PDE4D: variants seen among roughly 807,000 people sequenced by gnomAD.
The protein encoded by PDE4D is 3',5'-cyclic-AMP phosphodiesterase 4D.
In PDE4D, 24 loss-of-function variants were observed where a neutral mutation model predicts 87.4. The ratio of observed to expected loss-of-function variants is 0.27; its 90% confidence interval spans 0.20 to 0.39. The LOEUF is 0.39. PDE4D is among the 10% of genes least tolerant of loss of function. The probability of loss-of-function intolerance (pLI) is 1.00; values close to 1 mark genes in which losing one functional copy is unlikely to be tolerated. For synonymous variants in PDE4D, 384 were observed against 383.2 expected, an observed-to-expected ratio of 1.00 and a Z score of -0.02; for missense variants, 714 against 1,041.0, an observed-to-expected ratio of 0.69 and a Z score of 4.32.
intron 5 of PDE4D, among the ~76,000 whole-genome samples, chr5:59,075,691 T>A (rs1226397205): frequency 6.6e-6 from 1 of 152,166 alleles, no homozygotes; most frequent in Non-Finnish European, 1.5e-5. Flanking sequence ...TATTATTACT[T>A]CTTATAAATA....
chr5:59,451,268 G>C (rs557454183), intron 1 of PDE4D, among the ~76,000 whole-genome samples: 2 of 152,124 alleles, frequency 1.3e-5, no homozygotes, highest in Non-Finnish European at 2.9e-5. Context: ...TTTCATTTCA[G>C]CTTTGTCTTC....
At chr5:59,038,010 A>G (rs556832387) in intron 6 of PDE4D, among the ~76,000 whole-genome samples, 1 of 152,372 alleles carries the variant, frequency 6.6e-6, no homozygotes, top group East Asian at 1.9e-4. Context: ...TCCTTCAGCC[A>G]TCTGCATACG....
intron 3 of PDE4D, among the ~76,000 whole-genome samples, chr5:59,955,350 T>C (rs988159446): frequency 2.6e-5 from 4 of 152,212 alleles, no homozygotes; most frequent in Non-Finnish European, 5.9e-5. Flanking sequence ...CCTCAGGCAA[T>C]ATCTGCTTGG....
intron 1 of PDE4D, among the ~76,000 whole-genome samples, chr5:59,535,084 G>T (rs1027042564): frequency 1.4e-5 from 2 of 147,038 alleles, no homozygotes; most frequent in African/African-American, 5.0e-5. Flanking sequence ...TGTGGGGGGG[G>T]GGTCCTCTAT....
intron 1 of PDE4D, among the ~76,000 whole-genome samples, chr5:59,758,277 T>C (rs1374897388): frequency 2.0e-5 from 3 of 152,180 alleles, no homozygotes; most frequent in Non-Finnish European, 4.4e-5. Flanking sequence ...ACCTTGGTTG[T>C]TTTAAGGGGT....
chr5:59,569,640 T>C (rs1331124284), intron 1 of PDE4D, among the ~76,000 whole-genome samples: 2 of 152,208 alleles, frequency 1.3e-5, no homozygotes, highest in African/African-American at 4.8e-5. Flanking sequence ...GGGCTTAATC[T>C]CTTTTACTGC....
intron 1 of PDE4D, among the ~76,000 whole-genome samples, chr5:59,754,242 ATTGCTTGAACCCAGGAGGCAGAGG>A (rs796447974): frequency 3.3e-5 from 5 of 152,310 alleles, no homozygotes; most frequent in African/African-American, 1.2e-4. Flanking sequence ...AGGCAGGAGA[ATTGCTTGAACCCAGGAGGCAGAGG>A]TTGCAGTGAG....
intron 1 of PDE4D, among the ~76,000 whole-genome samples, chr5:59,764,025 G>A (rs1046798005): frequency 3.3e-5 from 5 of 152,128 alleles, no homozygotes; most frequent in African/African-American, 1.2e-4. Context: ...TTTGAAAGAT[G>A]TATTTTTGCA....
intron 2 of PDE4D, among the ~76,000 whole-genome samples, chr5:60,019,924 G>A (rs1765878591): frequency 6.6e-6 from 1 of 151,824 alleles, no homozygotes; most frequent in African/African-American, 2.4e-5. Flanking sequence ...AACTTGGATA[G>A]CTGCTTGGCA....
chr5:59,157,165 T>C (rs753541527), intron 5 of PDE4D: 32 of 583,968 alleles, frequency 5.5e-5, no homozygotes, highest in Non-Finnish European at 8.8e-5. Context: ...TTCACAATTT[T>C]TTTTTCTTTC....
intron 1 of PDE4D, among the ~76,000 whole-genome samples, chr5:59,882,911 G>A (rs1183109425): frequency 1.3e-5 from 2 of 152,090 alleles, no homozygotes; most frequent in Non-Finnish European, 2.9e-5. Flanking sequence ...TTGAGTAGCT[G>A]GGATTACAGG....
intron 11 of PDE4D, among the ~76,000 whole-genome samples, chr5:58,982,188 A>T (rs374420910): frequency 2.6e-5 from 4 of 152,120 alleles, no homozygotes; most frequent in Non-Finnish European, 4.4e-5. Flanking sequence ...TTTCTATCCA[A>T]TGATTCCTGG....
At chr5:59,518,193 TTG>T (rs34669732) in intron 1 of PDE4D, among the ~76,000 whole-genome samples, 15,702 of 149,330 alleles carry the variant, frequency 0.11, 2,111 homozygotes, top group African/African-American at 0.31. Flanking sequence ...ACTTGTGTGT[TTG>T]TGTGTGTGTG....
chr5:60,389,154 TAACAATAGAAAGTCC>T (rs964123390), intron 1 of PDE4D, among the ~76,000 whole-genome samples: 4 of 152,154 alleles, frequency 2.6e-5, no homozygotes, highest in Admixed American at 2.0e-4. Context: ...AATACAAGTC[TAACAATAGAAAGTCC>T]AGTGTCTTCT....
At chr5:58,996,668 T>G (rs1749308652) in intron 6 of PDE4D, among the ~76,000 whole-genome samples, 1 of 152,188 alleles carries the variant, frequency 6.6e-6, no homozygotes, top group African/African-American at 2.4e-5. Flanking sequence ...GTACACAAAC[T>G]AGTATAAGGA....
intron 1 of PDE4D, among the ~76,000 whole-genome samples, chr5:59,683,802 T>G (rs983449803): frequency 6.6e-6 from 1 of 152,212 alleles, no homozygotes; most frequent in African/African-American, 2.4e-5. Flanking sequence ...ATCACCATCT[T>G]TTTTGTTTGG....
At chr5:60,444,338 G>A (rs1268427823) in intron 1 of PDE4D, among the ~76,000 whole-genome samples, 1 of 152,048 alleles carries the variant, frequency 6.6e-6, no homozygotes, top group Non-Finnish European at 1.5e-5. Flanking sequence ...TACATTCATT[G>A]TTTGCATCCA....
intron 1 of PDE4D, among the ~76,000 whole-genome samples, chr5:59,738,333 A>G (rs1302614921): frequency 1.3e-5 from 2 of 152,168 alleles, no homozygotes; most frequent in African/African-American, 4.8e-5. Context: ...TATAAGAATG[A>G]CAAATTTTGA....
intron 3 of PDE4D, among the ~76,000 whole-genome samples, chr5:59,982,766 T>C (rs1275379885): frequency 2.6e-5 from 4 of 152,344 alleles, no homozygotes; most frequent in African/African-American, 9.6e-5. Context: ...GGAGCCAATT[T>C]CTGATTGACT....
Sources: gnomAD v4.1 joint callset for allele counts (sites outside exome capture counted in the v4.1 genomes callset) on GRCh38, gnomAD v4.1.1 for gene constraint, MANE v1.5 for transcripts, NCBI Gene and HGNC (gene_info 2026-07-23, HGNC 2026-07-21) for gene names.